SORCS3: variants seen among roughly 807,000 people sequenced by gnomAD.
SORCS3 encodes the protein VPS10 domain-containing receptor SorCS3.
SORCS3 carries 57 observed loss-of-function variants against 146.3 expected under a neutral mutation model. The ratio of observed to expected loss-of-function variants is 0.39; its 90% confidence interval spans 0.31 to 0.49. The LOEUF is 0.49. Ranked by LOEUF, SORCS3 falls within the 20% of genes least tolerant of loss-of-function variation. The probability of loss-of-function intolerance (pLI) is 0.92; values close to 1 mark genes in which losing one functional copy is unlikely to be tolerated. For synonymous variants in SORCS3, 653 were observed against 618.5 expected (o/e 1.06, Z -0.83); for missense variants, 1,341 against 1,575.5 (o/e 0.85, Z 2.52).
chr10:105,101,141 G>T (rs1018286111), intron 6 of SORCS3, among the ~76,000 whole-genome samples: 4 of 152,098 alleles, frequency 2.6e-5, no homozygotes, highest in Non-Finnish European at 4.4e-5. Context: ...GCCTATTTGG[G>T]GATTTTAAAT....
At chr10:104,724,308 C>T (rs1249739961) in intron 1 of SORCS3, among the ~76,000 whole-genome samples, 1 of 152,188 alleles carries the variant, frequency 6.6e-6, no homozygotes. Flanking sequence ...TTGGCCCCCA[C>T]TCTCTTCTGA....
chr10:105,221,836 G>A (rs540971836), intron 19 of SORCS3, among the ~76,000 whole-genome samples: 1 of 152,156 alleles, frequency 6.6e-6, no homozygotes, highest in African/African-American at 2.4e-5. Flanking sequence ...CCAAGAAAAT[G>A]TGCTCTGACA....
At chr10:104,649,513 G>A (rs539672738) in intron 1 of SORCS3, among the ~76,000 whole-genome samples, 1 of 152,336 alleles carries the variant, frequency 6.6e-6, no homozygotes, top group African/African-American at 2.4e-5. Context: ...TGTTGAAGCA[G>A]AGGAAGGAGG....
At chr10:104,756,353 G>A (rs567353694) in intron 1 of SORCS3, among the ~76,000 whole-genome samples, 3 of 152,134 alleles carry the variant, frequency 2.0e-5, no homozygotes, top group Non-Finnish European at 4.4e-5. Flanking sequence ...TCCTCTACAC[G>A]CAATAGAAAT....
At chr10:104,764,260 A>G (rs1181636403) in intron 1 of SORCS3, among the ~76,000 whole-genome samples, 1 of 152,168 alleles carries the variant, frequency 6.6e-6, no homozygotes, top group Non-Finnish European at 1.5e-5. Flanking sequence ...TTTAATGTGC[A>G]TGTGAACTCC....
chr10:104,708,885 T>C lies in SORCS3; in HGVS notation c.627+66931T>C, dbSNP rs374249203. 9.0e-4 allele frequency among the ~76,000 whole-genome samples: 137 copies of C among 152,354 alleles called. 4 individuals carry two copies. In the South Asian group the frequency reaches 0.027, roughly 30 times the overall value. ...CATATAGATTTTGTTTTTTAATTGC[T>C]AGAGACTTCAGGAAAACAGAGTACT... On this transcript the variant is annotated intron_variant, in intron 1 of 26. Coordinates refer to ENST00000369701, the MANE Select transcript of SORCS3 (RefSeq NM_014978.3).
intron 4 of SORCS3, among the ~76,000 whole-genome samples, chr10:105,021,999 C>A (rs1011922264): frequency 6.6e-6 from 1 of 152,112 alleles, no homozygotes; most frequent in African/African-American, 2.4e-5. Flanking sequence ...AAAAGGCAAA[C>A]CTGTGGATAC....
intron 1 of SORCS3, among the ~76,000 whole-genome samples, chr10:104,730,774 A>T (rs934113559): frequency 1.3e-5 from 2 of 152,228 alleles, no homozygotes; most frequent in African/African-American, 4.8e-5. Context: ...AATGAGAGCC[A>T]AGCGAAGGGG....
At chr10:104,808,328 G>A (rs144172809) in intron 1 of SORCS3, among the ~76,000 whole-genome samples, 1 of 152,294 alleles carries the variant, frequency 6.6e-6, no homozygotes, top group East Asian at 1.9e-4. Flanking sequence ...CAGGGCTTTT[G>A]CTTCAAATAG....
intron 3 of SORCS3, among the ~76,000 whole-genome samples, chr10:104,956,306 G>T (rs747233778): frequency 6.6e-6 from 1 of 152,074 alleles, no homozygotes; most frequent in African/African-American, 2.4e-5. Flanking sequence ...TTCCTTTCTC[G>T]TTCTTCAGGA....
chr10:104,977,729 TC>T (rs373926013), intron 4 of SORCS3, among the ~76,000 whole-genome samples: 4 of 141,530 alleles, frequency 2.8e-5, no homozygotes, highest in Non-Finnish European at 4.5e-5. Context: ...CCTTTTCTTT[TC>T]TTTTTTTTTT....
At chr10:104,931,176 G>A (rs1308343266) in intron 3 of SORCS3, among the ~76,000 whole-genome samples, 3 of 152,170 alleles carry the variant, frequency 2.0e-5, no homozygotes. Flanking sequence ...GTCTCAGGGG[G>A]GGAGTCCCTT....
Position 104,841,374 on chromosome 10 carries a change from G to A in SORCS3, c.628-1418G>A, listed in dbSNP as rs2018137738. 3.3e-5 allele frequency among the ~76,000 whole-genome samples: 5 copies of A among 152,136 alleles called. No individual in the cohort carries two copies. The South Asian group carries it at 6.2e-4, about 19-fold the overall frequency. ...TACATACTCTTTGATTTGTGCTGTG[G>A]TAGGTAGTAGGACAGGTAGCTTGGT... On this transcript the variant is annotated intron_variant, in intron 1 of 26. Coordinates refer to ENST00000369701, the MANE Select transcript of SORCS3 (RefSeq NM_014978.3).
At chr10:105,240,205 A>T (rs2056814619) in intron 20 of SORCS3, among the ~76,000 whole-genome samples, 1 of 152,136 alleles carries the variant, frequency 6.6e-6, no homozygotes, top group Non-Finnish European at 1.5e-5. Context: ...GAATTCCATC[A>T]CTCTCAAAAG....
intron 7 of SORCS3, among the ~76,000 whole-genome samples, chr10:105,133,852 G>A (rs1002589564): frequency 6.6e-6 from 1 of 152,128 alleles, no homozygotes; most frequent in African/African-American, 2.4e-5. Flanking sequence ...CAGCTACTTG[G>A]GAGGCTGAGG....
intron 1 of SORCS3, among the ~76,000 whole-genome samples, chr10:104,766,370 T>C (rs1336726155): frequency 6.6e-6 from 1 of 152,060 alleles, no homozygotes; most frequent in Non-Finnish European, 1.5e-5. Context: ...ACGTGTGGGG[T>C]TGTGAGAGGA....
At position 105,190,071 on chromosome 10, in the gene SORCS3, G is replaced by A. The variant is rs78228706; in HGVS notation, c.2010-9928G>A. On this transcript the variant is annotated intron_variant, in intron 14 of 26. Coordinates refer to ENST00000369701, the MANE Select transcript of SORCS3 (RefSeq NM_014978.3). The stretch of plus-strand genomic sequence containing the variant: ...TATGCAAACAGGCTATTAGGAGCTG[G>A]AGGTGAGAGCATCCCATTGCCCATA... 1.0e-2 allele frequency among the ~76,000 whole-genome samples: 1,519 copies of A among 152,298 alleles called. 33 individuals carry two copies. The highest frequency in any genetic ancestry group is 0.035 in the African/African-American group (1,453 of 41,564).
intron 23 of SORCS3, among the ~76,000 whole-genome samples, chr10:105,255,149 A>G (rs2056923462): frequency 6.9e-6 from 1 of 144,200 alleles, no homozygotes; most frequent in South Asian, 2.2e-4. Context: ...AGATCGCGCC[A>G]CTGCACTCCA....
At chr10:104,836,312 A>T (rs929320880) in intron 1 of SORCS3, among the ~76,000 whole-genome samples, 10 of 152,276 alleles carry the variant, frequency 6.6e-5, no homozygotes, top group Admixed American at 5.2e-4. Context: ...GGAGGGCTAC[A>T]CATTTAAAGA....
Sources: gnomAD v4.1 joint callset for allele counts (sites outside exome capture counted in the v4.1 genomes callset) on GRCh38, gnomAD v4.1.1 for gene constraint, MANE v1.5 for transcripts, NCBI Gene and HGNC (gene_info 2026-07-23, HGNC 2026-07-21) for gene names.